The following DDX60 variants were observed in gnomAD, a reference collection of about 807,000 sequenced individuals.
DDX60 encodes DExD/H-box helicase 60, also known as probable ATP-dependent RNA helicase DDX60.
In DDX60, 165 loss-of-function variants were observed where a neutral mutation model predicts 212.8. That is an observed-to-expected ratio of 0.78 (90% confidence interval 0.68 to 0.88). The LOEUF (loss-of-function observed/expected upper bound fraction) is 0.88, where lower values mean the gene tolerates loss of function less well. Ranked by LOEUF, DDX60 falls within the 40% of genes least tolerant of loss-of-function variation. DDX60 has a pLI of 0.00. For missense variants in DDX60, 1,905 were observed against 2,003.9 expected, an observed-to-expected ratio of 0.95 and a Z score of 0.94; for synonymous variants, 703 against 685.3, an observed-to-expected ratio of 1.03 and a Z score of -0.40.
At chr4:168,299,054 G>C (rs368291631) in intron 6 of DDX60, among the ~76,000 whole-genome samples, 3 of 150,446 alleles carry the variant, frequency 2.0e-5, no homozygotes, top group Non-Finnish European at 4.4e-5. Flanking sequence ...CCAGCTACTC[G>C]GAAGGCTGAG....
intron 1 of DDX60, 92 bp from the exon 2 acceptor site, chr4:168,311,457 A>G: frequency 1.9e-6 from 1 of 535,302 alleles, no homozygotes; most frequent in South Asian, 3.2e-5. Context: ...CACAAGGAAT[A>G]CAAGAATGAA....
At chr4:168,308,501 T>C (rs1736988702) in intron 3 of DDX60, among the ~76,000 whole-genome samples, 1 of 152,010 alleles carries the variant, frequency 6.6e-6, no homozygotes, top group African/African-American at 2.4e-5. Flanking sequence ...ATATATATTT[T>C]ATGCTTAATC....
intron 26 of DDX60, among the ~76,000 whole-genome samples, chr4:168,255,066 C>T (rs1034239145): frequency 4.6e-5 from 7 of 152,082 alleles, no homozygotes; most frequent in Non-Finnish European, 7.4e-5. Context: ...AACCTCAAGG[C>T]TCTCAAGTCC....
Position 168,221,770 on chromosome 4 carries a change from A to G in DDX60, c.4936T>C (p.Tyr1646His), listed in dbSNP as rs757548693. ...MSLNAYALDFYKHGSLIGLVQ... is the reference protein window; with the variant it reads ...MSLNAYALDFHKHGSLIGLVQ... The stretch of plus-strand genomic sequence containing the variant: ...AATCCTATCAAGGAACCATGTTTGT[A>G]GAAATCCAGTGCATAGGCATTAAGC... Residue 1646 changes from tyrosine (Y) to histidine (H), a missense_variant, in exon 36 of 38, where the codon TAC (tyrosine) becomes CAC (histidine). Physicochemically the swap from Tyr to His is moderately conservative, Grantham distance 83 (BLOSUM62 2). Coordinates refer to ENST00000393743, the MANE Select transcript of DDX60 (RefSeq NM_017631.6). 71 of 1,613,048 alleles carry G rather than the reference A, an allele frequency of 4.4e-5. No individual in the cohort carries two copies. The highest frequency in any genetic ancestry group is 5.9e-5 in the Non-Finnish European group (69 of 1,179,404).
At chr4:168,248,798 C>T (rs1277989688) in intron 28 of DDX60, among the ~76,000 whole-genome samples, 2 of 149,044 alleles carry the variant, frequency 1.3e-5, no homozygotes, top group African/African-American at 2.5e-5. Flanking sequence ...TCGCTCTTGT[C>T]GCCCAAGCTG....
intron 1 of DDX60, among the ~76,000 whole-genome samples, chr4:168,316,036 T>G (rs944199888): frequency 6.6e-6 from 1 of 152,176 alleles, no homozygotes; most frequent in Non-Finnish European, 1.5e-5. Flanking sequence ...ATATCTTAAA[T>G]GATAATTTTA....
At chr4:168,302,537 T>G (rs935848095) in intron 5 of DDX60, 121 bp from the exon 6 acceptor site, 4 of 453,202 alleles carry the variant, frequency 8.8e-6, no homozygotes, top group Non-Finnish European at 1.5e-5. Context: ...AGGAAAAAAA[T>G]ATGCCAATGT....
intron 5 of DDX60, among the ~76,000 whole-genome samples, chr4:168,305,004 T>C (rs150475726): frequency 1.8e-3 from 274 of 152,288 alleles, no homozygotes; most frequent in Non-Finnish European, 2.8e-3. Flanking sequence ...AAGTACCCTA[T>C]ACAAGTGTAT....
chr4:168,238,898 A>G (rs1407970026), intron 30 of DDX60, among the ~76,000 whole-genome samples: 14 of 152,142 alleles, frequency 9.2e-5, no homozygotes, highest in Admixed American at 9.2e-4. Flanking sequence ...AAGATCTGCT[A>G]AACACTGATA....
intron 14 of DDX60, among the ~76,000 whole-genome samples, chr4:168,277,057 TCAGA>T (rs1735372139): frequency 6.6e-6 from 1 of 152,220 alleles, no homozygotes; most frequent in African/African-American, 2.4e-5. Context: ...CTAGGTTTGC[TCAGA>T]AGAACTGTCA....
At position 168,221,763 on chromosome 4, in the gene DDX60, T is replaced by C. The variant is rs1733057771; in HGVS notation, c.4943A>G (p.His1648Arg). 1 of 1,612,916 alleles carries C rather than the reference T, an allele frequency of 6.2e-7. No homozygotes were observed. The highest frequency in any genetic ancestry group is 8.5e-7 in the Non-Finnish European group (1 of 1,179,282). Residue 1648 changes from histidine to arginine, a missense_variant, in exon 36 of 38, where the codon CAT becomes CGT. His to Arg is a conservative substitution (Grantham distance 29, BLOSUM62 0). Transcript: ENST00000393743. ...CTGGACTAATCCTATCAAGGAACCATGTTTGTAGAAATCCAGTGCATAGGC... is the reference window on the plus strand; with the variant it reads ...CTGGACTAATCCTATCAAGGAACCACGTTTGTAGAAATCCAGTGCATAGGC... ...LNAYALDFYK[H>R]GSLIGLVQDN...
At chr4:168,236,001 C>T in intron 33 of DDX60, 2 of 368,600 alleles carry the variant, frequency 5.4e-6, no homozygotes, top group Admixed American at 4.9e-5. Context: ...TAATTTGATA[C>T]AATCAAATGA....
chr4:168,272,905 A>G (rs1487094815), intron 18 of DDX60, among the ~76,000 whole-genome samples: 2 of 152,250 alleles, frequency 1.3e-5, no homozygotes, highest in African/African-American at 4.8e-5. Context: ...CCATAATACA[A>G]CATTTTCTAA....
intron 14 of DDX60, among the ~76,000 whole-genome samples, chr4:168,278,737 C>T (rs951943521): frequency 3.3e-5 from 5 of 152,006 alleles, no homozygotes; most frequent in African/African-American, 9.7e-5. Context: ...GCTGAGGCAG[C>T]AGAATAGCTT....
At chr4:168,285,969 T>G (rs57030552) in intron 10 of DDX60, among the ~76,000 whole-genome samples, 32 of 110,984 alleles carry the variant, frequency 2.9e-4, no homozygotes, top group African/African-American at 8.2e-4. Context: ...AAGGAAAGAA[T>G]GAAAGAAAGA....
intron 8 of DDX60, among the ~76,000 whole-genome samples, 166 bp from the exon 9 acceptor site, chr4:168,288,481 A>G (rs1430749754): frequency 6.6e-6 from 1 of 152,218 alleles, no homozygotes; most frequent in Admixed American, 6.5e-5. Context: ...ACCTTAAGGA[A>G]TTAAAGCATA....
chr4:168,244,833 C>T (rs2149500864), intron 30 of DDX60, among the ~76,000 whole-genome samples: 1 of 152,022 alleles, frequency 6.6e-6, no homozygotes, highest in Non-Finnish European at 1.5e-5. Context: ...ATAACTGACA[C>T]TTAAGACCAT....
chr4:168,291,649 G>A (rs1286786042), intron 8 of DDX60, 99 bp downstream of exon 8: 2 of 1,123,080 alleles, frequency 1.8e-6, no homozygotes, highest in Non-Finnish European at 1.2e-6. Flanking sequence ...CCCCCAAGGG[G>A]CTAATAGTAG....
chr4:168,231,998 T>C (rs1733472026), intron 33 of DDX60, among the ~76,000 whole-genome samples: 1 of 152,022 alleles, frequency 6.6e-6, no homozygotes, highest in African/African-American at 2.4e-5. Context: ...CTAGAACTGA[T>C]AAATGAATTC....
Sources: allele counts gnomAD v4.1 joint callset (sites outside exome capture counted in the v4.1 genomes callset), GRCh38; gene constraint gnomAD v4.1.1; transcripts MANE v1.5; gene names NCBI Gene and HGNC (gene_info 2026-07-23, HGNC 2026-07-21).